CSMD1: variants seen among roughly 807,000 people sequenced by gnomAD.
CSMD1 encodes CUB and Sushi multiple domains 1.
Under a neutral mutation model 417.5 loss-of-function variants are expected in CSMD1, and 213 were observed. The ratio of observed to expected loss-of-function variants is 0.51; its 90% CI spans 0.46 to 0.57. The LOEUF (loss-of-function observed/expected upper bound fraction) is 0.57, where lower values mean the gene tolerates loss of function less well. Among genes scored for constraint, CSMD1 ranks in the 20% least tolerant of loss-of-function variants. The pLI, the probability that CSMD1 is intolerant of heterozygous loss-of-function variation, is 0.00. For synonymous variants in CSMD1, 2,862 were observed against 1,736.8 expected (o/e 1.65, Z -16.11); for missense variants, 6,923 against 4,529.7 (o/e 1.53, Z -15.17).
chr8:4,292,054 C>G (rs1043958202), intron 3 of CSMD1, among the ~76,000 whole-genome samples: 1 of 152,034 alleles, frequency 6.6e-6, no homozygotes, highest in Non-Finnish European at 1.5e-5. Context: ...GAGGTTTGGA[C>G]ACTTGATCAT....
intron 10 of CSMD1, among the ~76,000 whole-genome samples, chr8:3,549,710 C>T (rs777841386): frequency 8.9e-4 from 135 of 152,058 alleles, no homozygotes; most frequent in Non-Finnish European, 1.6e-3. Flanking sequence ...CTGCCTTGGG[C>T]CTCTACAGAA....
At chr8:4,357,053 G>T (rs1000609458) in intron 3 of CSMD1, among the ~76,000 whole-genome samples, 1 of 152,188 alleles carries the variant, frequency 6.6e-6, no homozygotes, top group East Asian at 1.9e-4. Context: ...TTATTAAAAT[G>T]TATCTTTACT....
chr8:4,041,220 T>A (rs529144057), intron 3 of CSMD1, among the ~76,000 whole-genome samples: 1 of 152,134 alleles, frequency 6.6e-6, no homozygotes, highest in Admixed American at 6.5e-5. Flanking sequence ...GGTTTCACCG[T>A]GTTAGCCAGG....
Position 4,985,792 on chromosome 8 carries a change from T to C in CSMD1, c.85+8540A>G, listed in dbSNP as rs1047143005. Among the ~76,000 whole-genome samples the C allele has an allele frequency of 3.3e-5, 5 of 152,094 alleles. No individual in the cohort carries two copies. In the East Asian group the frequency reaches 7.7e-4, roughly 23 times the overall value. ...CAAGTGAACTGCAACCTCATGAATA[T>C]AGCTGAAACCATAAGACAAAAACAA... On this transcript the variant is annotated intron_variant, in intron 1 of 69. Transcript: ENST00000635120.
chr8:4,947,168 A>T (rs1455061726), intron 1 of CSMD1, among the ~76,000 whole-genome samples: 1 of 152,224 alleles, frequency 6.6e-6, no homozygotes, highest in East Asian at 1.9e-4. Context: ...ACAAAATAAA[A>T]CAGAAAAATA....
At chr8:4,801,745 C>G (rs548089025) in intron 1 of CSMD1, among the ~76,000 whole-genome samples, 1 of 151,308 alleles carries the variant, frequency 6.6e-6, no homozygotes, top group Non-Finnish European at 1.5e-5. Flanking sequence ...AGGAAAAACA[C>G]AGAAACTTTG....
At chr8:3,483,939 A>T (rs13276523) in intron 11 of CSMD1, among the ~76,000 whole-genome samples, 73,785 of 151,958 alleles carry the variant, frequency 0.49, 18,109 homozygotes, top group South Asian at 0.56. Flanking sequence ...TTCACAGGAC[A>T]CATAGTGTTC....
intron 2 of CSMD1, among the ~76,000 whole-genome samples, chr8:4,450,855 G>T (rs984967858): frequency 6.6e-6 from 1 of 152,082 alleles, no homozygotes; most frequent in Non-Finnish European, 1.5e-5. Context: ...GATGTGAGAG[G>T]AACAATTGTT....
At chr8:4,305,749 A>G (rs56095567) in intron 3 of CSMD1, among the ~76,000 whole-genome samples, 10,970 of 152,266 alleles carry the variant, frequency 0.072, 527 homozygotes, top group Non-Finnish European at 0.11. Context: ...CCAGCCGTAG[A>G]CACTACTGAT....
intron 3 of CSMD1, among the ~76,000 whole-genome samples, chr8:4,379,417 G>A (rs62479544): frequency 0.37 from 56,775 of 152,050 alleles, 11,799 homozygotes; most frequent in Non-Finnish European, 0.47. Flanking sequence ...AACCTGGTGA[G>A]TTCCAGTAAA....
intron 54 of CSMD1, among the ~76,000 whole-genome samples, chr8:2,981,357 G>C (rs551393583): frequency 1.3e-5 from 2 of 152,336 alleles, no homozygotes; most frequent in Admixed American, 6.5e-5. Flanking sequence ...CTATTGGTTT[G>C]TAAACTAGAA....
chr8:4,028,896 TG>T (rs1244868945), intron 4 of CSMD1, among the ~76,000 whole-genome samples: 1 of 152,200 alleles, frequency 6.6e-6, no homozygotes, highest in Non-Finnish European at 1.5e-5. Context: ...ACCTAAGAGT[TG>T]AAGTATGCTC....
intron 4 of CSMD1, among the ~76,000 whole-genome samples, chr8:4,027,382 C>A (rs1321223117): frequency 2.0e-5 from 3 of 152,040 alleles, no homozygotes; most frequent in African/African-American, 7.2e-5. Flanking sequence ...ATTCTAATCC[C>A]CTAATCCCCA....
rs533370219 is a variant in CSMD1, at chr8:4,691,996, T to C, written c.86-54438A>G. Among the ~76,000 whole-genome samples the C allele has an allele frequency of 2.6e-5, 4 of 152,306 alleles. No individual in the cohort carries two copies. The South Asian group carries it at 8.3e-4, about 32-fold the overall frequency. On this transcript the variant is annotated intron_variant, in intron 1 of 69. Transcript: ENST00000635120. Reference sequence around the variant, plus strand: ...AGCTCTCCTCTGTCTCAATCCATCTTCAGTGCCCTCTTGTACAGCAGAGCT... The same window carrying C: ...AGCTCTCCTCTGTCTCAATCCATCTCCAGTGCCCTCTTGTACAGCAGAGCT...
chr8:3,034,375 C>A (rs781363531), intron 50 of CSMD1, among the ~76,000 whole-genome samples: 5 of 152,060 alleles, frequency 3.3e-5, no homozygotes, highest in Non-Finnish European at 7.3e-5. Flanking sequence ...CTGATAGGCA[C>A]AGACATCATT....
chr8:3,291,015 T>C (rs556952001), intron 25 of CSMD1, among the ~76,000 whole-genome samples: 6 of 152,292 alleles, frequency 3.9e-5, no homozygotes, highest in Non-Finnish European at 8.8e-5. Context: ...ACCTAATTTT[T>C]TGAGAGTTTT....
chr8:4,588,778 C>CGA (rs1270826839), intron 2 of CSMD1, among the ~76,000 whole-genome samples: 4 of 78,628 alleles, frequency 5.1e-5, no homozygotes, highest in Non-Finnish European at 8.0e-5. Context: ...AGCAAGACTC[C>CGA]GACACACACA....
At chr8:4,160,020 T>C (rs1225327129) in intron 3 of CSMD1, among the ~76,000 whole-genome samples, 1 of 151,720 alleles carries the variant, frequency 6.6e-6, no homozygotes, top group Non-Finnish European at 1.5e-5. Context: ...TGCACCAAAA[T>C]TTCAGAAATC....
intron 1 of CSMD1, among the ~76,000 whole-genome samples, chr8:4,667,551 G>T (rs1207503012): frequency 6.6e-6 from 1 of 151,668 alleles, no homozygotes; most frequent in African/African-American, 2.4e-5. Context: ...TTAGTGTATT[G>T]TAGTTCAAAA....
Sources: allele counts gnomAD v4.1 joint callset (sites outside exome capture counted in the v4.1 genomes callset), GRCh38; gene constraint gnomAD v4.1.1; transcripts MANE v1.5; gene names NCBI Gene and HGNC (gene_info 2026-07-23, HGNC 2026-07-21).